The following PCSK2 variants were observed in gnomAD, a reference collection of about 807,000 sequenced individuals.
The protein encoded by PCSK2 is proprotein convertase subtilisin/kexin type 2, also known as neuroendocrine convertase 2.
In PCSK2, 14 loss-of-function variants were observed where a neutral mutation model predicts 69.7. That is an observed-to-expected ratio of 0.20 (90% CI 0.13 to 0.31). The LOEUF is 0.31. Among genes scored for constraint, PCSK2 ranks in the 10% least tolerant of loss-of-function variants. The pLI is 1.00. For missense variants in PCSK2, 544 were observed against 842.5 expected, an observed-to-expected ratio of 0.65 and a Z score of 4.39; for synonymous variants, 307 against 320.7, an observed-to-expected ratio of 0.96 and a Z score of 0.46.
At chr20:17,445,878 G>A (rs2032689622) in intron 8 of PCSK2, among the ~76,000 whole-genome samples, 1 of 152,212 alleles carries the variant, frequency 6.6e-6, no homozygotes, top group South Asian at 2.1e-4. Flanking sequence ...TCATTTCTGG[G>A]ATAAAGAGAA....
At chr20:17,348,065 AAGAAAGAAAG>A (rs1990741711) in intron 2 of PCSK2, among the ~76,000 whole-genome samples, 2 of 145,530 alleles carry the variant, frequency 1.4e-5, no homozygotes, top group Non-Finnish European at 3.0e-5. Flanking sequence ...GAAAGAAAGA[AAGAAAGAAAG>A]AAAGAAAGAA....
chr20:17,256,543 C>T (rs371087923), intron 1 of PCSK2, among the ~76,000 whole-genome samples: 2 of 151,948 alleles, frequency 1.3e-5, no homozygotes, highest in African/African-American at 4.8e-5. Context: ...TACCTCTCCC[C>T]AGGTTGTTTG....
intron 1 of PCSK2, among the ~76,000 whole-genome samples, chr20:17,256,406 C>G (rs1186152238): frequency 1.3e-5 from 2 of 152,170 alleles, no homozygotes; most frequent in African/African-American, 4.8e-5. Context: ...TGGGCTTCCT[C>G]AGAGAGTTTT....
intron 11 of PCSK2, among the ~76,000 whole-genome samples, chr20:17,469,858 C>T (rs907864181): frequency 1.3e-5 from 2 of 152,084 alleles, no homozygotes; most frequent in Non-Finnish European, 2.9e-5. Context: ...CTCAGTGACT[C>T]CCCCTGGAGA....
intron 2 of PCSK2, 27 bp downstream of exon 2, chr20:17,260,371 C>A: frequency 6.8e-7 from 1 of 1,475,652 alleles, no homozygotes; most frequent in Non-Finnish European, 9.5e-7. Flanking sequence ...AACCTGCCTC[C>A]CAATCTCTGC....
At chr20:17,431,911 T>G (rs1295195542) in intron 7 of PCSK2, among the ~76,000 whole-genome samples, 1 of 152,214 alleles carries the variant, frequency 6.6e-6, no homozygotes, top group South Asian at 2.1e-4. Context: ...GGGAGCTTTC[T>G]GGGCTAAGGA....
chr20:17,383,238 C>T (rs1055450246), intron 5 of PCSK2, among the ~76,000 whole-genome samples: 3 of 152,204 alleles, frequency 2.0e-5, no homozygotes, highest in Non-Finnish European at 4.4e-5. Flanking sequence ...CCTCACATAG[C>T]TCCTATCTCT....
intron 4 of PCSK2, among the ~76,000 whole-genome samples, chr20:17,366,680 AC>A (rs1237150867): frequency 1.3e-5 from 2 of 152,218 alleles, no homozygotes; most frequent in African/African-American, 4.8e-5. Context: ...GTCCATTATT[AC>A]TTTTTCCGAA....
At chr20:17,435,736 A>T (rs1162994522) in intron 7 of PCSK2, among the ~76,000 whole-genome samples, 1 of 152,170 alleles carries the variant, frequency 6.6e-6, no homozygotes, top group Non-Finnish European at 1.5e-5. Flanking sequence ...GCTCCATGCC[A>T]CAGAATTGTG....
intron 10 of PCSK2, 172 bp from the exon 11 acceptor site, chr20:17,465,154 G>A: frequency 1.5e-6 from 1 of 662,498 alleles, no homozygotes; most frequent in African/African-American, 1.8e-5. Context: ...CTTATATAGT[G>A]GTTTTGAATG....
At position 17,303,493 on chromosome 20, in the gene PCSK2, TTAATATA is replaced by T. The variant is rs1989199447; in HGVS notation, c.282+43150_282+43156del. Among the ~76,000 whole-genome samples, 9 of 47,574 alleles carry T rather than the reference TTAATATA, an allele frequency of 1.9e-4. 1 individual carries two copies. Among genetic ancestry groups the T allele is most frequent in the Admixed American group, 1.6e-3 (6 of 3,714 alleles). The allele number at this position is 47,574 out of a possible 152,430, so 31.2% of individuals were successfully genotyped here. On this transcript the variant is annotated intron_variant, in intron 2 of 11. Transcript: ENST00000262545. ...ATATTATATATAATATATATTATAT[TTAATATA>T]ATATATATTATATATAATATAATAT...
At position 17,369,257 on chromosome 20, in the gene PCSK2, C is replaced by A; in HGVS notation, c.523C>A (p.Pro175Thr). Reference sequence around the variant, plus strand: ...TTTCACAGGGATTGACTATCTCCACCCGGACCTGGCCTCCAACTATGTAAG... The same window carrying A: ...TTTCACAGGGATTGACTATCTCCACACGGACCTGGCCTCCAACTATGTAAG... Reference protein sequence around the residue: ...IMDDGIDYLHPDLASNYNAEA... With the variant: ...IMDDGIDYLHTDLASNYNAEA... Residue 175 changes from proline to threonine, a missense_variant, in exon 5 of 12, where the codon CCG becomes ACG. Pro to Thr is a conservative substitution (Grantham distance 38). Coordinates refer to ENST00000262545, the MANE Select transcript of PCSK2 (RefSeq NM_002594.5). 2 of 1,613,820 alleles carry A rather than the reference C, an allele frequency of 1.2e-6. No homozygotes were observed. The highest frequency in any genetic ancestry group is 1.7e-6 in the Non-Finnish European group (2 of 1,179,858).
intron 6 of PCSK2, among the ~76,000 whole-genome samples, chr20:17,411,427 C>T (rs1282846545): frequency 6.6e-6 from 1 of 152,174 alleles, no homozygotes; most frequent in East Asian, 1.9e-4. Flanking sequence ...TTGCTCACTG[C>T]TAGTGCAGCA....
Position 17,395,485 on chromosome 20 carries a change from C to T in PCSK2, c.544-13778C>T, listed in dbSNP as rs140594895. On this transcript the variant is annotated intron_variant, in intron 5 of 11. Transcript: ENST00000262545. ...CATGCAGTGCAGAGAGAAGAGAATG[C>T]TTTCTGAGTCAGAAGGTCACATTTT... 2.2e-3 allele frequency among the ~76,000 whole-genome samples: 335 copies of T among 152,234 alleles called. 2 individuals are homozygous for T. Among genetic ancestry groups the T allele is most frequent in the African/African-American group, 7.7e-3 (319 of 41,544 alleles).
intron 11 of PCSK2, among the ~76,000 whole-genome samples, chr20:17,473,009 G>A (rs1285387127): frequency 2.0e-5 from 3 of 149,672 alleles, no homozygotes; most frequent in African/African-American, 4.9e-5. Context: ...AAGCCACCCC[G>A]ACAACCCCAA....
At chr20:17,290,856 T>C (rs986358451) in intron 2 of PCSK2, among the ~76,000 whole-genome samples, 5 of 152,062 alleles carry the variant, frequency 3.3e-5, no homozygotes, top group African/African-American at 1.2e-4. Context: ...TGTTAACCCA[T>C]GGTGGAAGGG....
chr20:17,322,299 G>T (rs1422186564), intron 2 of PCSK2, among the ~76,000 whole-genome samples: 2 of 152,158 alleles, frequency 1.3e-5, no homozygotes, highest in Non-Finnish European at 2.9e-5. Context: ...GCATATGGAG[G>T]TAAGGGTCTT....
At chr20:17,251,892 A>G (rs1176889551) in intron 1 of PCSK2, among the ~76,000 whole-genome samples, 2 of 152,120 alleles carry the variant, frequency 1.3e-5, no homozygotes, top group African/African-American at 4.8e-5. Flanking sequence ...GCTTCTTAAT[A>G]TGTGCATTTA....
At chr20:17,300,946 T>A (rs1989060614) in intron 2 of PCSK2, among the ~76,000 whole-genome samples, 1 of 152,194 alleles carries the variant, frequency 6.6e-6, no homozygotes, top group Non-Finnish European at 1.5e-5. Context: ...TTAACCTTAA[T>A]CAATGCTAAT....
Sources: gnomAD v4.1 joint callset for allele counts (sites outside exome capture counted in the v4.1 genomes callset) on GRCh38, gnomAD v4.1.1 for gene constraint, MANE v1.5 for transcripts, NCBI Gene and HGNC (gene_info 2026-07-23, HGNC 2026-07-21) for gene names.